TLE1: variants seen among roughly 807,000 people sequenced by gnomAD.
The protein encoded by TLE1 is TLE family member 1, transcriptional corepressor.
Under a neutral mutation model 89.8 loss-of-function variants are expected in TLE1, and 21 were observed. The ratio of observed to expected loss-of-function variants is 0.23; its 90% CI spans 0.17 to 0.34. TLE1 has a LOEUF of 0.34. Among genes scored for constraint, TLE1 ranks in the 10% least tolerant of loss-of-function variants. The pLI, the probability that TLE1 is intolerant of heterozygous loss-of-function variation, is 1.00. For synonymous variants in TLE1, 447 were observed against 407.6 expected (o/e 1.10, Z -1.16); for missense variants, 795 against 1,031.2 (o/e 0.77, Z 3.14).
At position 81,670,333 on chromosome 9, in the gene TLE1, C is replaced by CT. The variant is rs952840359; in HGVS notation, c.234+15342dup. Among the ~76,000 whole-genome samples the CT allele has an allele frequency of 2.4e-3, 361 of 148,530 alleles. 2 individuals are homozygous for CT. The highest frequency in any genetic ancestry group is 7.5e-3 in the African/African-American group (303 of 40,616). On this transcript the variant is annotated intron_variant, in intron 4 of 19. Transcript: ENST00000376499. Reference sequence around the variant, plus strand: ...CAAAGTCTACACAAAAGTCCCTTCCCTTTTTTTTTTGAGACAGAGTCTGGG... The same window carrying CT: ...CAAAGTCTACACAAAAGTCCCTTCCCTTTTTTTTTTTGAGACAGAGTCTGGG...
At chr9:81,614,130 G>A (rs549590857) in intron 11 of TLE1, among the ~76,000 whole-genome samples, 1 of 151,848 alleles carries the variant, frequency 6.6e-6, no homozygotes, top group South Asian at 2.1e-4. Flanking sequence ...GGATGGTCTC[G>A]ATCTCCTGAC....
intron 6 of TLE1, among the ~76,000 whole-genome samples, chr9:81,640,293 A>C (rs1230099596): frequency 6.6e-6 from 1 of 152,120 alleles, no homozygotes; most frequent in African/African-American, 2.4e-5. Context: ...TTCAACATTC[A>C]ATCACATTCA....
intron 12 of TLE1, among the ~76,000 whole-genome samples, chr9:81,613,162 CT>C (rs1214310103): frequency 2.6e-5 from 4 of 152,216 alleles, no homozygotes; most frequent in Non-Finnish European, 4.4e-5. Context: ...AAAAGAAAAG[CT>C]GAATGTAAAC....
chr9:81,602,145 G>A (rs535281531), intron 14 of TLE1, among the ~76,000 whole-genome samples: 11 of 152,280 alleles, frequency 7.2e-5, no homozygotes, highest in African/African-American at 2.4e-4. Flanking sequence ...AACAGAAAGA[G>A]ACCAGTGAGA....
chr9:81,642,301 A>T (rs750418477), intron 6 of TLE1, among the ~76,000 whole-genome samples: 3 of 152,198 alleles, frequency 2.0e-5, no homozygotes, highest in Admixed American at 1.3e-4. Flanking sequence ...CAGATTTTTA[A>T]ATATTTGCAA....
intron 4 of TLE1, among the ~76,000 whole-genome samples, chr9:81,666,893 G>A (rs748004182): frequency 7.2e-5 from 11 of 152,276 alleles, no homozygotes; most frequent in Middle Eastern, 3.4e-3. Context: ...CAAGGTAAGA[G>A]GATCACCGCA....
intron 18 of TLE1, 43 bp from the exon 19 acceptor site, chr9:81,584,567 T>C: frequency 6.3e-7 from 1 of 1,584,204 alleles, no homozygotes; most frequent in Non-Finnish European, 8.7e-7. Flanking sequence ...AAGGTTAAAA[T>C]TCCTACTATA....
Position 81,652,289 on chromosome 9 carries a change from C to T in TLE1, c.298-1G>A. 6.2e-7 allele frequency: 1 copy of T among 1,612,952 alleles called. No individual in the cohort carries two copies. The highest frequency in any genetic ancestry group is 8.5e-7 in the Non-Finnish European group (1 of 1,179,306). On this transcript the variant is annotated splice_acceptor_variant, in intron 5 of 19. Transcript: ENST00000376499. LOFTEE classifies it high-confidence loss of function. ...CAGCCTGGGCCACCTGTTGTTGATG[C>T]TTTGAAAACAAGGAGAAGAAAGGGC...
At chr9:81,627,831 G>A (rs1180344071) in intron 8 of TLE1, among the ~76,000 whole-genome samples, 4 of 152,130 alleles carry the variant, frequency 2.6e-5, no homozygotes, top group East Asian at 3.9e-4. Flanking sequence ...TCAGTTTCAC[G>A]GTGCTGACAT....
intron 4 of TLE1, among the ~76,000 whole-genome samples, chr9:81,674,680 A>G (rs1832665673): frequency 1.3e-5 from 2 of 152,372 alleles, no homozygotes; most frequent in Non-Finnish European, 2.9e-5. Flanking sequence ...GAACAAAGAG[A>G]GGAGGACTTT....
intron 8 of TLE1, among the ~76,000 whole-genome samples, chr9:81,629,281 T>G (rs996170340): frequency 1.3e-5 from 2 of 148,670 alleles, no homozygotes; most frequent in African/African-American, 4.9e-5. Context: ...TCAGCCAAAA[T>G]TTAATGCAAT....
chr9:81,654,780 G>A (rs1321463293), intron 4 of TLE1, among the ~76,000 whole-genome samples: 1 of 152,228 alleles, frequency 6.6e-6, no homozygotes, highest in African/African-American at 2.4e-5. Context: ...TAAGGTGATA[G>A]AGTAGAAGAA....
chr9:81,590,723 G>A (rs1829363963), intron 16 of TLE1, 82 bp downstream of exon 16: 2 of 1,553,928 alleles, frequency 1.3e-6, no homozygotes, highest in Non-Finnish European at 8.7e-7. Context: ...TGTGTGGGCT[G>A]CAGGCAGCCA....
chr9:81,664,225 G>C (rs943415019), intron 4 of TLE1, among the ~76,000 whole-genome samples: 1 of 151,388 alleles, frequency 6.6e-6, no homozygotes, highest in South Asian at 2.1e-4. Context: ...GACCAGCCTG[G>C]GCAACACAGC....
intron 14 of TLE1, among the ~76,000 whole-genome samples, chr9:81,609,414 G>A (rs1450031841): frequency 6.6e-6 from 1 of 152,200 alleles, no homozygotes; most frequent in Non-Finnish European, 1.5e-5. Flanking sequence ...GGAGAAGGCA[G>A]AGTTTTGCTG....
At position 81,584,110 on chromosome 9, in the gene TLE1, T is replaced by TC. The variant is rs1288288662; in HGVS notation, c.*87dup. The TC allele has an allele frequency of 6.6e-6, 8 of 1,211,204 alleles. No homozygotes were observed. Among genetic ancestry groups the TC allele is most frequent in the Middle Eastern group, 4.2e-4 (2 of 4,806 alleles). The allele number at this position is 1,211,204 out of a possible 1,614,324, so 75.0% of individuals were successfully genotyped here. ...GGAAACAGGTGTTTGTAATTTTTTT[T>TC]CTCTTTTAAAGTTACAACTTTTCTA... On this transcript the variant is annotated 3_prime_UTR_variant, in exon 20 of 20. Coordinates refer to ENST00000376499, the MANE Select transcript of TLE1 (RefSeq NM_005077.5).
chr9:81,606,508 A>C (rs980162793), intron 14 of TLE1, among the ~76,000 whole-genome samples: 4 of 152,168 alleles, frequency 2.6e-5, no homozygotes, highest in Non-Finnish European at 5.9e-5. Context: ...ATTCTCAGCA[A>C]ACTATCACAA....
chr9:81,585,236 C>G (rs762090758), intron 18 of TLE1, among the ~76,000 whole-genome samples: 1 of 152,024 alleles, frequency 6.6e-6, no homozygotes. Flanking sequence ...AGAGTAGAAA[C>G]TCATTGTCGT....
In TLE1 at chr9:81,689,474, T is replaced by TTTCTGCTGCTGCTGC. The variant is rs1255827581; in HGVS notation, c.-1249_-1235dup. Among the ~76,000 whole-genome samples, 10 of 152,164 alleles carry TTTCTGCTGCTGCTGC rather than the reference T, an allele frequency of 6.6e-5. No homozygotes were observed. Among genetic ancestry groups the TTTCTGCTGCTGCTGC allele is most frequent in the South Asian group, 4.1e-4 (2 of 4,828 alleles). ...GCGGGGCACAGAGTACCCGCCGCTG[T>TTTCTGCTGCTGCTGC]TTCTGCTGCTGCTGCTTCTGCAGCC... On this transcript the variant is annotated 5_prime_UTR_variant, in exon 1 of 20. Transcript: ENST00000376499.
Sources: allele counts gnomAD v4.1 joint callset (sites outside exome capture counted in the v4.1 genomes callset), GRCh38; gene constraint gnomAD v4.1.1; transcripts MANE v1.5; gene names NCBI Gene and HGNC (gene_info 2026-07-23, HGNC 2026-07-21).